HIRA: variants seen among roughly 807,000 people sequenced by gnomAD.
The protein encoded by HIRA is protein HIRA.
HIRA carries 13 observed loss-of-function variants against 126.6 expected under a neutral mutation model. That is an observed-to-expected ratio of 0.10 (90% confidence interval 0.07 to 0.16). The LOEUF (loss-of-function observed/expected upper bound fraction) is 0.16. HIRA is among the 10% of genes least tolerant of loss of function. The pLI is 1.00. For missense variants in HIRA, 834 were observed against 1,314.4 expected, an observed-to-expected ratio of 0.63 and a Z score of 5.65; for synonymous variants, 511 against 520.0, an observed-to-expected ratio of 0.98 and a Z score of 0.24.
intron 19 of HIRA, 147 bp from the exon 20 acceptor site, chr22:19,356,435 T>C: frequency 1.5e-6 from 1 of 672,268 alleles, no homozygotes; most frequent in East Asian, 2.7e-5. Context: ...ACGAGTGGCT[T>C]CTGCTCTCCA....
At chr22:19,343,294 G>A (rs1431148759) in intron 24 of HIRA, among the ~76,000 whole-genome samples, 1 of 152,212 alleles carries the variant, frequency 6.6e-6, no homozygotes, top group Non-Finnish European at 1.5e-5. Flanking sequence ...GCTCACACCT[G>A]TAATCCCAGC....
chr22:19,375,092 C>T (rs879383848), intron 15 of HIRA, among the ~76,000 whole-genome samples: 10 of 152,316 alleles, frequency 6.6e-5, no homozygotes, highest in African/African-American at 2.2e-4. Flanking sequence ...CTACAACCTG[C>T]GTGATGTCAC....
At chr22:19,352,121 C>T (rs1297795551) in intron 23 of HIRA, among the ~76,000 whole-genome samples, 4 of 151,840 alleles carry the variant, frequency 2.6e-5, no homozygotes, top group Non-Finnish European at 4.4e-5. Flanking sequence ...ATACTAGATT[C>T]CTCCTTTTAC....
Position 19,418,468 on chromosome 22 carries a change from CA to C in HIRA, c.38-7691del, listed in dbSNP as rs949969630. Among the ~76,000 whole-genome samples, 115 of 141,384 alleles carry C rather than the reference CA, an allele frequency of 8.1e-4. 1 individual carries two copies. The highest frequency in any genetic ancestry group is 1.1e-3 in the African/African-American group (41 of 38,546). The allele number at this position is 141,384 out of a possible 152,430, so 92.8% of individuals were successfully genotyped here. On this transcript the variant is annotated intron_variant, in intron 1 of 24. Coordinates refer to ENST00000263208, the MANE Select transcript of HIRA (RefSeq NM_003325.4). ...TGAAACCCCGTCTCTATTAAAAATA[CA>C]AAAAAAAAAAATTGCCAGGCATGGT...
chr22:19,426,838 G>C (rs1274266343), intron 1 of HIRA, among the ~76,000 whole-genome samples: 1 of 152,204 alleles, frequency 6.6e-6, no homozygotes, highest in Non-Finnish European at 1.5e-5. Context: ...AAATTGCTGA[G>C]AGAATTTGCA....
Position 19,431,313 on chromosome 22 carries a change from T to C in HIRA, c.37+127A>G, listed in dbSNP as rs953813581. ...AGGACAAAGTCCGCTCCCGCCGGCT[T>C]CTTGGCTTGGGCACCGGGTACCGGG... On this transcript the variant is annotated intron_variant, in intron 1 of 24. Coordinates refer to ENST00000263208, the MANE Select transcript of HIRA (RefSeq NM_003325.4). 28 of 1,084,492 alleles carry C rather than the reference T, an allele frequency of 2.6e-5. No homozygotes were observed. The African/African-American group carries it at 4.1e-4, about 16-fold the overall frequency. The allele number at this position is 1,084,492 out of a possible 1,614,324, so 67.2% of individuals were successfully genotyped here. A position where few individuals can be genotyped will look rare whatever the true frequency, so the allele number is the denominator to read the frequency against.
chr22:19,360,067 C>G (rs985762110), intron 17 of HIRA, among the ~76,000 whole-genome samples: 2 of 152,192 alleles, frequency 1.3e-5, no homozygotes, highest in African/African-American at 4.8e-5. Flanking sequence ...AATTCAGTGT[C>G]TGGCACCAAA....
intron 17 of HIRA, among the ~76,000 whole-genome samples, 169 bp from the exon 18 acceptor site, chr22:19,359,653 C>A (rs1265159275): frequency 6.6e-6 from 1 of 152,148 alleles, no homozygotes; most frequent in Non-Finnish European, 1.5e-5. Flanking sequence ...GAGCGGGAGG[C>A]CCAGAGGGCC....
At chr22:19,428,552 T>C (rs1194208649) in intron 1 of HIRA, among the ~76,000 whole-genome samples, 1 of 152,210 alleles carries the variant, frequency 6.6e-6, no homozygotes, top group East Asian at 1.9e-4. Flanking sequence ...CTTCTTCTCC[T>C]GTTCTAGCTA....
intron 13 of HIRA, among the ~76,000 whole-genome samples, chr22:19,380,197 T>TA (rs1323305281): frequency 2.0e-5 from 3 of 152,202 alleles, no homozygotes; most frequent in Non-Finnish European, 2.9e-5. Context: ...TCTGAGATTA[T>TA]AAAAAATATT....
At chr22:19,421,968 GGCCT>G (rs2089449765) in intron 1 of HIRA, among the ~76,000 whole-genome samples, 1 of 151,820 alleles carries the variant, frequency 6.6e-6, no homozygotes, top group South Asian at 2.1e-4. Context: ...CACCATGCCC[GGCCT>G]GTTCTATCTT....
chr22:19,352,729 A>T (rs2088771109), intron 23 of HIRA, among the ~76,000 whole-genome samples: 1 of 152,240 alleles, frequency 6.6e-6, no homozygotes, highest in South Asian at 2.1e-4. Context: ...TAAAGCAAAA[A>T]GCCCAGGAAG....
chr22:19,359,675 C>T (rs1444004255), intron 17 of HIRA, among the ~76,000 whole-genome samples, 191 bp from the exon 18 acceptor site: 2 of 152,118 alleles, frequency 1.3e-5, no homozygotes, highest in Non-Finnish European at 2.9e-5. Context: ...GACATGTGGC[C>T]CCCAAGGCAG....
At chr22:19,359,549 G>A (rs1000930633) in intron 17 of HIRA, 65 bp from the exon 18 acceptor site, 2 of 1,429,190 alleles carry the variant, frequency 1.4e-6, no homozygotes, top group East Asian at 2.9e-5. Context: ...ATGCTCCAAG[G>A]CTCTGTAGCC....
intron 14 of HIRA, among the ~76,000 whole-genome samples, chr22:19,376,409 C>T (rs2089019590): frequency 2.0e-5 from 3 of 152,184 alleles, no homozygotes; most frequent in Admixed American, 2.0e-4. Context: ...ACACCACACG[C>T]TTTGGGACCA....
At chr22:19,370,065 C>CCT (rs1318157611) in intron 15 of HIRA, among the ~76,000 whole-genome samples, 4 of 152,158 alleles carry the variant, frequency 2.6e-5, no homozygotes, top group Non-Finnish European at 2.9e-5. Flanking sequence ...ATCTCTGCCT[C>CCT]CTGGGTTCAA....
intron 24 of HIRA, among the ~76,000 whole-genome samples, chr22:19,335,790 C>G (rs1556005822): frequency 6.6e-6 from 1 of 152,116 alleles, no homozygotes; most frequent in African/African-American, 2.4e-5. Context: ...TATCTGGTAG[C>G]ATAGTGAATG....
At chr22:19,367,251 C>T (rs2088922014) in intron 15 of HIRA, among the ~76,000 whole-genome samples, 1 of 152,126 alleles carries the variant, frequency 6.6e-6, no homozygotes, top group South Asian at 2.1e-4. Context: ...CCTTTGGTAT[C>T]TGCATGGGGA....
At chr22:19,364,095 G>A (rs1288158338) in intron 15 of HIRA, among the ~76,000 whole-genome samples, 1 of 151,916 alleles carries the variant, frequency 6.6e-6, no homozygotes, top group African/African-American at 2.4e-5. Flanking sequence ...CGGGCATGTG[G>A]GAACTCTTTG....
Sources: gnomAD v4.1 joint callset for allele counts (sites outside exome capture counted in the v4.1 genomes callset) on GRCh38, gnomAD v4.1.1 for gene constraint, MANE v1.5 for transcripts, NCBI Gene and HGNC (gene_info 2026-07-23, HGNC 2026-07-21) for gene names.